GALNTL6: variants seen among roughly 807,000 people sequenced by gnomAD.
GALNTL6 encodes polypeptide N-acetylgalactosaminyltransferase like 6.
GALNTL6 carries 46 observed loss-of-function variants against 73.7 expected under a neutral mutation model. The observed-to-expected ratio is 0.62, with a 90% confidence interval of 0.49 to 0.80. The LOEUF (loss-of-function observed/expected upper bound fraction) is 0.80, where lower values mean the gene tolerates loss of function less well. Ranked by LOEUF, GALNTL6 falls within the 30% of genes least tolerant of loss-of-function variation. GALNTL6 has a pLI of 0.00. For synonymous variants in GALNTL6, 259 were observed against 263.7 expected, an observed-to-expected ratio of 0.98 and a Z score of 0.17; for missense variants, 604 against 755.0, an observed-to-expected ratio of 0.80 and a Z score of 2.34.
intron 2 of GALNTL6, among the ~76,000 whole-genome samples, chr4:172,100,500 GA>G: frequency 6.6e-6 from 1 of 152,080 alleles, no homozygotes; most frequent in Non-Finnish European, 1.5e-5. Context: ...TTTAAAGAAT[GA>G]ATAATTTTAA....
chr4:172,890,116 G>C (rs922837884), intron 8 of GALNTL6, among the ~76,000 whole-genome samples: 7 of 151,914 alleles, frequency 4.6e-5, no homozygotes, highest in Non-Finnish European at 4.4e-5. Flanking sequence ...TGTCATTTCT[G>C]ATTATGCTTA....
chr4:172,046,622 C>A (rs1038565900), intron 2 of GALNTL6, among the ~76,000 whole-genome samples: 1 of 152,054 alleles, frequency 6.6e-6, no homozygotes, highest in Non-Finnish European at 1.5e-5. Context: ...AAATGATCAA[C>A]CATGTTGAGC....
chr4:172,972,063 A>G (rs975396034), intron 10 of GALNTL6, among the ~76,000 whole-genome samples: 21 of 152,186 alleles, frequency 1.4e-4, no homozygotes, highest in African/African-American at 4.3e-4. Context: ...TAGAATACAG[A>G]GAGAAAAAAA....
intron 2 of GALNTL6, among the ~76,000 whole-genome samples, chr4:171,927,784 T>G (rs1738033132): frequency 6.6e-6 from 1 of 152,174 alleles, no homozygotes; most frequent in Non-Finnish European, 1.5e-5. Context: ...GCTTGTGTAT[T>G]CCACTGCACA....
At chr4:172,708,556 C>T (rs567538071) in intron 5 of GALNTL6, among the ~76,000 whole-genome samples, 2 of 152,270 alleles carry the variant, frequency 1.3e-5, no homozygotes, top group East Asian at 3.9e-4. Context: ...CCCACAGATT[C>T]CTTGTCTGCA....
chr4:172,344,684 A>G (rs943660238), intron 4 of GALNTL6, among the ~76,000 whole-genome samples: 6 of 152,194 alleles, frequency 3.9e-5, no homozygotes, highest in African/African-American at 1.2e-4. Context: ...TCTGTTCTCA[A>G]TGTACAGACT....
At chr4:172,581,255 C>T (rs1026649372) in intron 5 of GALNTL6, among the ~76,000 whole-genome samples, 3 of 152,206 alleles carry the variant, frequency 2.0e-5, no homozygotes, top group Non-Finnish European at 4.4e-5. Flanking sequence ...TTTTCATTCT[C>T]ACATTGGCCT....
intron 2 of GALNTL6, among the ~76,000 whole-genome samples, chr4:171,911,182 C>A (rs903346306): frequency 5.9e-5 from 9 of 152,128 alleles, no homozygotes; most frequent in Non-Finnish European, 4.4e-5. Context: ...TTTATAGAGA[C>A]AGAGTCTCAC....
At chr4:172,411,450 GA>G (rs1430392274) in intron 5 of GALNTL6, among the ~76,000 whole-genome samples, 4 of 152,086 alleles carry the variant, frequency 2.6e-5, no homozygotes, top group African/African-American at 9.7e-5. Flanking sequence ...AAACTCCAAT[GA>G]GACATTTATT....
At chr4:172,254,473 T>A (rs1000309413) in intron 3 of GALNTL6, among the ~76,000 whole-genome samples, 1 of 83,908 alleles carries the variant, frequency 1.2e-5, no homozygotes. Flanking sequence ...TTTTAGAAGT[T>A]TAAACACACA....
chr4:172,845,803 C>A (rs763657099), intron 7 of GALNTL6, among the ~76,000 whole-genome samples: 2 of 152,036 alleles, frequency 1.3e-5, no homozygotes, highest in Non-Finnish European at 2.9e-5. Flanking sequence ...TATGTTAATT[C>A]TCAGTACAGG....
At chr4:171,870,595 A>G (rs143043385) in intron 2 of GALNTL6, among the ~76,000 whole-genome samples, 2,202 of 152,226 alleles carry the variant, frequency 0.014, 24 homozygotes, top group Non-Finnish European at 0.021. Context: ...TCCCTCAGGA[A>G]TTCATATGTT....
At chr4:172,332,547 T>A (rs1270351281) in intron 4 of GALNTL6, among the ~76,000 whole-genome samples, 3 of 151,960 alleles carry the variant, frequency 2.0e-5, no homozygotes, top group Non-Finnish European at 2.9e-5. Flanking sequence ...CTCCCACATA[T>A]AAGCGAGAAC....
intron 5 of GALNTL6, among the ~76,000 whole-genome samples, chr4:172,669,591 T>C (rs1731860030): frequency 6.6e-6 from 1 of 152,206 alleles, no homozygotes; most frequent in Admixed American, 6.5e-5. Flanking sequence ...ATTAGAGAAT[T>C]TTGGAATTTT....
At chr4:172,703,337 A>G (rs1444722941) in intron 5 of GALNTL6, among the ~76,000 whole-genome samples, 1 of 151,940 alleles carries the variant, frequency 6.6e-6, no homozygotes, top group African/African-American at 2.4e-5. Flanking sequence ...GATTTTTCAT[A>G]TATCACCTTT....
Position 172,894,407 on chromosome 4 carries a change from T to G in GALNTL6, c.1041+11500T>G, listed in dbSNP as rs562791207. Reference sequence around the variant, plus strand: ...TTCTGGTGTGTTGTGTTTCCAATTTTGTTTCAAGAAATACTTCAATTTCCT... The same window carrying G: ...TTCTGGTGTGTTGTGTTTCCAATTTGGTTTCAAGAAATACTTCAATTTCCT... On this transcript the variant is annotated intron_variant, in intron 8 of 12. Transcript: ENST00000506823. Among the ~76,000 whole-genome samples the G allele has an allele frequency of 5.1e-4, 78 of 152,300 alleles. No homozygotes were observed. The South Asian group carries it at 0.016, about 30-fold the overall frequency.
intron 2 of GALNTL6, among the ~76,000 whole-genome samples, chr4:171,970,676 T>C (rs58740827): frequency 0.023 from 3,559 of 152,282 alleles, 154 homozygotes; most frequent in African/African-American, 0.081. Context: ...CAATTTCTTA[T>C]ATTTAAAAAC....
At chr4:172,972,708 A>C (rs1750637228) in intron 10 of GALNTL6, among the ~76,000 whole-genome samples, 1 of 152,122 alleles carries the variant, frequency 6.6e-6, no homozygotes, top group African/African-American at 2.4e-5. Flanking sequence ...TAGAAAGGGA[A>C]GAAAGCTTTC....
intron 5 of GALNTL6, among the ~76,000 whole-genome samples, chr4:172,550,950 C>T (rs962846794): frequency 6.6e-6 from 1 of 152,140 alleles, no homozygotes; most frequent in Admixed American, 6.5e-5. Context: ...ACTGAGGTGA[C>T]ATTGAAACAT....
Sources: gnomAD v4.1 joint callset for allele counts (sites outside exome capture counted in the v4.1 genomes callset) on GRCh38, gnomAD v4.1.1 for gene constraint, MANE v1.5 for transcripts, NCBI Gene and HGNC (gene_info 2026-07-23, HGNC 2026-07-21) for gene names.